Variants in HEATR6 observed in about 807,000 individuals in gnomAD.
The protein encoded by HEATR6 is HEAT repeat containing 6.
A neutral mutation model predicts 132.8 loss-of-function variants in HEATR6; 106 were observed. The observed-to-expected ratio is 0.80, with a 90% CI of 0.68 to 0.94. The LOEUF is 0.94. HEATR6 is among the 40% of genes least tolerant of loss of function. The pLI is 0.00. For synonymous variants in HEATR6, 529 were observed against 537.8 expected, an observed-to-expected ratio of 0.98 and a Z score of 0.23; for missense variants, 1,339 against 1,425.1, an observed-to-expected ratio of 0.94 and a Z score of 0.97.
At chr17:60,070,326 C>T (rs2083264182) in intron 6 of HEATR6, among the ~76,000 whole-genome samples, 1 of 152,024 alleles carries the variant, frequency 6.6e-6, no homozygotes, top group Admixed American at 6.6e-5. Context: ...CTGGCACGCT[C>T]GGAAGCTGCC....
intron 19 of HEATR6, among the ~76,000 whole-genome samples, chr17:60,044,616 A>G (rs549432894): frequency 6.6e-6 from 1 of 152,358 alleles, no homozygotes; most frequent in South Asian, 2.1e-4. Flanking sequence ...AAAGAAAAAG[A>G]AAACTTACAA....
intron 12 of HEATR6, among the ~76,000 whole-genome samples, 171 bp from the exon 13 acceptor site, chr17:60,056,408 C>T (rs952212503): frequency 1.3e-5 from 2 of 152,156 alleles, no homozygotes; most frequent in Non-Finnish European, 2.9e-5. Context: ...TAAACTGTAT[C>T]ATAGTTTTAT....
At chr17:60,065,215 G>A (rs1212125426) in intron 9 of HEATR6, among the ~76,000 whole-genome samples, 1 of 152,000 alleles carries the variant, frequency 6.6e-6, no homozygotes, top group Non-Finnish European at 1.5e-5. Context: ...TACCCCACAA[G>A]TCATTTTTTT....
At chr17:60,070,322 C>A (rs901093090) in intron 6 of HEATR6, among the ~76,000 whole-genome samples, 1 of 152,068 alleles carries the variant, frequency 6.6e-6, no homozygotes, top group Admixed American at 6.6e-5. Context: ...CTGACTGGCA[C>A]GCTCGGAAGC....
At chr17:60,051,047 C>A (rs993155218) in intron 14 of HEATR6, 70 bp from the exon 15 acceptor site, 28 of 1,520,248 alleles carry the variant, frequency 1.8e-5, no homozygotes, top group Non-Finnish European at 1.5e-5. Flanking sequence ...GCTAAGCCTA[C>A]CAGAAATGGC....
chr17:60,046,178 G>T lies in HEATR6; in HGVS notation c.2821C>A (p.Pro941Thr), dbSNP rs1368886113. The stretch of plus-strand genomic sequence containing the variant: ...AATGTGGGTTTTTCTATATGAGAGG[G>T]TTGCAGAAAATGAAGCAAATTTCCA... ...ALGNLLHFLQ[P>T]SHIEKPTFAE... is the part of the protein sequence containing the mutation. Residue 941 changes from proline (P) to threonine (T), a missense_variant, in exon 19 of 20, where the codon CCC (proline) becomes ACC (threonine). Transcript: ENST00000184956. 2 of 1,613,878 alleles carry T rather than the reference G, an allele frequency of 1.2e-6. No individual in the cohort carries two copies. The highest frequency in any genetic ancestry group is 1.7e-5 in the Admixed American group (1 of 59,988).
chr17:60,067,760 T>C (rs758814249), intron 7 of HEATR6, 28 bp from the exon 8 acceptor site: 51 of 1,556,112 alleles, frequency 3.3e-5, no homozygotes, highest in Non-Finnish European at 4.1e-5. Flanking sequence ...TGAAGACATA[T>C]ATAATAACTA....
intron 9 of HEATR6, among the ~76,000 whole-genome samples, chr17:60,061,875 A>G (rs1303466857): frequency 6.6e-6 from 1 of 152,262 alleles, no homozygotes; most frequent in Non-Finnish European, 1.5e-5. Flanking sequence ...GAAGACAATT[A>G]AAAATCACAA....
At position 60,067,706 on chromosome 17, in the gene HEATR6, T is replaced by C; in HGVS notation, c.966A>G (p.Lys322=). Residue 322 remains lysine, a synonymous_variant, in exon 8 of 20, where the codon AAA becomes AAG. Transcript: ENST00000184956. ...CCTCTCCTTGCTGGATTTTCTTTGG[T>C]TTTACTTTGGATTTTTTCTTTTTAT... is the stretch of plus-strand genomic sequence containing the variant. ...TLNKKKKSKV[K]PKKIQQGEEE... is the part of the protein sequence containing the mutation. The C allele has an allele frequency of 1.2e-6, 2 of 1,613,196 alleles. No homozygotes were observed. Among genetic ancestry groups the C allele is most frequent in the South Asian group, 1.1e-5 (1 of 90,924 alleles).
Position 60,078,743 on chromosome 17 carries a change from G to C in HEATR6, c.172C>G (p.Gln58Glu), listed in dbSNP as rs2083309323. Residue 58 changes from glutamine to glutamate, a missense_variant, in exon 1 of 20, where the codon CAG becomes GAG. Physicochemically the swap from Gln to Glu is conservative, Grantham distance 29 (BLOSUM62 2). Coordinates refer to ENST00000184956, the MANE Select transcript of HEATR6 (RefSeq NM_022070.5). Reference protein sequence around the residue: ...ARTEIHLLFDQLISENYSEGS... With the variant: ...ARTEIHLLFDELISENYSEGS... ...TCGCTGTAGTTCTCGGAGATGAGCT[G>C]ATCGAAGAGCAGGTGGATCTCGGTG... 1 of 1,560,836 alleles carries C rather than the reference G, an allele frequency of 6.4e-7. No individual in the cohort carries two copies. The highest frequency in any genetic ancestry group is 8.7e-7 in the Non-Finnish European group (1 of 1,153,718).
intron 10 of HEATR6, 65 bp downstream of exon 10, chr17:60,059,825 A>G (rs1906873875): frequency 1.0e-5 from 12 of 1,179,478 alleles, no homozygotes; most frequent in Non-Finnish European, 1.5e-5. Flanking sequence ...CTTTTGAGCT[A>G]TGTAAAACAG....
At position 60,046,200 on chromosome 17, in the gene HEATR6, TC is replaced by T. The variant is rs1191998126; in HGVS notation, c.2798del (p.Gly933GlufsTer12). 6.2e-7 allele frequency: 1 copy of T among 1,613,686 alleles called. No individual in the cohort carries two copies. On this transcript the variant is annotated frameshift_variant, in exon 19 of 20. Coordinates refer to ENST00000184956, the MANE Select transcript of HEATR6 (RefSeq NM_022070.5). LOFTEE classifies it high-confidence loss of function. ...KVKSNAVRAL[G>X]NLLHFLQPSH... ...AGGGTTGCAGAAAATGAAGCAAATTTCCAAGGGCCCGGACTGCATTGCTTTT... is the reference window on the plus strand; with the variant it reads ...AGGGTTGCAGAAAATGAAGCAAATTTCAAGGGCCCGGACTGCATTGCTTTT...
At chr17:60,044,743 T>G (rs539571882) in intron 19 of HEATR6, among the ~76,000 whole-genome samples, 1 of 152,332 alleles carries the variant, frequency 6.6e-6, no homozygotes, top group South Asian at 2.1e-4. Context: ...TGGGGTGTCC[T>G]TACTCAAGAT....
intron 1 of HEATR6, 171 bp from the exon 2 acceptor site, chr17:60,076,408 A>C: frequency 1.8e-6 from 1 of 561,558 alleles, no homozygotes; most frequent in East Asian, 3.0e-5. Context: ...CATGTGCTAA[A>C]AAAGAAGGAA....
Position 60,073,200 on chromosome 17 carries a change from C to G in HEATR6, c.548G>C (p.Arg183Thr). Residue 183 changes from arginine (R) to threonine (T), a missense_variant, in exon 4 of 20, where the codon AGA becomes ACA. Transcript: ENST00000184956. ...GTTTGCCATACAATGTACTGCAGCT[C>G]TCCTGACTTCAGGATCAGACTGAGC... ...DLAQSDPEVRRAAVHCMANLC... is the reference protein window; with the variant it reads ...DLAQSDPEVRTAAVHCMANLC... 1 of 1,613,264 alleles carries G rather than the reference C, an allele frequency of 6.2e-7. No homozygotes were observed.
chr17:60,068,115 T>A (rs987285694), intron 7 of HEATR6, among the ~76,000 whole-genome samples: 3 of 152,200 alleles, frequency 2.0e-5, no homozygotes, highest in Non-Finnish European at 4.4e-5. Context: ...CCTTCTCAAC[T>A]GGAATTTCTC....
chr17:60,078,782 T>C lies in HEATR6; in HGVS notation c.133A>G (p.Ser45Gly), dbSNP rs774790845. 11 of 1,587,112 alleles carry C rather than the reference T, an allele frequency of 6.9e-6. No individual in the cohort carries two copies. The highest frequency in any genetic ancestry group is 9.4e-6 in the Non-Finnish European group (11 of 1,167,784). The change falls in exon 1 of 20, where the codon AGC (serine) becomes GGC (glycine). Residue 45 changes from serine (S) to glycine (G), a missense_variant. Coordinates refer to ENST00000184956, the MANE Select transcript of HEATR6 (RefSeq NM_022070.5). ...TGGATCTCGGTGCGGGCGGAGCTGC[T>C]GTCATCCGGGCGCAGGGCGCAGAGC... is the stretch of plus-strand genomic sequence containing the variant. ...ARLCALRPDDSSSARTEIHLL... is the reference protein window; with the variant it reads ...ARLCALRPDDGSSARTEIHLL...
intron 11 of HEATR6, 51 bp downstream of exon 11, chr17:60,059,371 G>T: frequency 9.9e-7 from 1 of 1,010,974 alleles, no homozygotes; most frequent in Non-Finnish European, 1.5e-6. Flanking sequence ...TTTACTAATA[G>T]TCTGCATCTG....
chr17:60,048,038 G>A (rs1232487964), intron 17 of HEATR6, among the ~76,000 whole-genome samples: 4 of 151,680 alleles, frequency 2.6e-5, no homozygotes, highest in African/African-American at 9.7e-5. Flanking sequence ...TACTTATATC[G>A]GCATACAGTA....
Sources: allele counts gnomAD v4.1 joint callset (sites outside exome capture counted in the v4.1 genomes callset), GRCh38; gene constraint gnomAD v4.1.1; transcripts MANE v1.5; gene names NCBI Gene and HGNC (gene_info 2026-07-23, HGNC 2026-07-21).